The following FREM3 variants were observed in gnomAD, a reference collection of about 807,000 sequenced individuals.
FREM3 encodes the protein FRAS1 related extracellular matrix 3.
Under a neutral mutation model 129.1 loss-of-function variants are expected in FREM3, and 105 were observed. That is an observed-to-expected ratio of 0.81 (90% CI 0.69 to 0.96). The LOEUF (loss-of-function observed/expected upper bound fraction) is 0.96, where lower values mean the gene tolerates loss of function less well. Ranked by LOEUF, FREM3 falls within the 40% of genes least tolerant of loss-of-function variation. FREM3 has a pLI of 0.00. For synonymous variants in FREM3, 1,014 were observed against 1,044.9 expected, an observed-to-expected ratio of 0.97 and a Z score of 0.57; for missense variants, 2,593 against 2,666.3, an observed-to-expected ratio of 0.97 and a Z score of 0.61.
intron 2 of FREM3, among the ~76,000 whole-genome samples, chr4:143,650,533 C>G (rs1268529660): frequency 6.6e-6 from 1 of 152,194 alleles, no homozygotes; most frequent in East Asian, 1.9e-4. Context: ...CTCTGTCACT[C>G]AGGTTGGAGT....
intron 5 of FREM3, among the ~76,000 whole-genome samples, chr4:143,615,193 G>C (rs1211461598): frequency 1.3e-5 from 2 of 152,276 alleles, no homozygotes; most frequent in Middle Eastern, 3.4e-3. Context: ...TTATCAATGA[G>C]AAAATTGAGG....
chr4:143,641,996 A>T (rs903193991), intron 2 of FREM3, among the ~76,000 whole-genome samples: 12 of 152,006 alleles, frequency 7.9e-5, no homozygotes, highest in Non-Finnish European at 1.0e-4. Context: ...TAGATGAATC[A>T]TGTTCAGTGG....
chr4:143,662,212 T>C (rs1388671822), intron 2 of FREM3, among the ~76,000 whole-genome samples: 1 of 152,240 alleles, frequency 6.6e-6, no homozygotes, highest in African/African-American at 2.4e-5. Flanking sequence ...TCCTGCTTTC[T>C]CTTGTGGGCA....
At chr4:143,584,253 C>CA (rs1462059692) in intron 7 of FREM3, among the ~76,000 whole-genome samples, 1 of 151,636 alleles carries the variant, frequency 6.6e-6, no homozygotes, top group East Asian at 1.9e-4. Context: ...ACTAAAAATA[C>CA]AAAAAATTAG....
chr4:143,579,010 T>C (rs1406939682), intron 7 of FREM3, among the ~76,000 whole-genome samples: 1 of 151,396 alleles, frequency 6.6e-6, no homozygotes, highest in East Asian at 1.9e-4. Context: ...TTTGAAGGAA[T>C]TACATTGTAA....
At chr4:143,666,211 A>G (rs1305137171) in intron 2 of FREM3, among the ~76,000 whole-genome samples, 4 of 152,232 alleles carry the variant, frequency 2.6e-5, no homozygotes, top group East Asian at 1.9e-4. Flanking sequence ...TCATAGAACA[A>G]TGTTTCTACA....
rs1452930791 is a variant in FREM3, at chr4:143,697,491, A to G, written c.3185T>C (p.Val1062Ala). Residue 1062 changes from valine (V) to alanine (A), a missense_variant, in exon 1 of 8, where the codon GTG becomes GCG. Val to Ala is a moderately conservative substitution (Grantham distance 64). Coordinates refer to ENST00000329798, the MANE Select transcript of FREM3 (RefSeq NM_001168235.2). ...GGGTCCCACATTGTCCACAGGCAGC[A>G]CAGTTACTTGTACCTGTACTTTCTC... ...IIEKVQVQVT[V>A]LPVDNVGPKV... 7.2e-6 allele frequency: 11 copies of G among 1,537,192 alleles called. No individual in the cohort carries two copies. The Admixed American group carries it at 2.2e-4, about 30-fold the overall frequency.
At chr4:143,684,837 T>C (rs1342200889) in intron 2 of FREM3, among the ~76,000 whole-genome samples, 1 of 152,182 alleles carries the variant, frequency 6.6e-6, no homozygotes, top group Non-Finnish European at 1.5e-5. Context: ...TGAAACTTTG[T>C]ATACACTTTT....
chr4:143,677,652 A>G (rs193293616), intron 2 of FREM3, among the ~76,000 whole-genome samples: 9,189 of 152,324 alleles, frequency 0.06, 336 homozygotes, highest in Middle Eastern at 0.15. Flanking sequence ...CATCTGACAA[A>G]GGGCTAATAT....
intron 2 of FREM3, among the ~76,000 whole-genome samples, chr4:143,688,654 G>C (rs185004403): frequency 6.6e-6 from 1 of 152,036 alleles, no homozygotes; most frequent in Non-Finnish European, 1.5e-5. Flanking sequence ...CTAATACGGC[G>C]TGGTACTGGT....
intron 2 of FREM3, among the ~76,000 whole-genome samples, chr4:143,629,863 A>T (rs1264024077): frequency 6.6e-5 from 10 of 152,088 alleles, no homozygotes; most frequent in Non-Finnish European, 1.0e-4. Context: ...TCTGTCTTTC[A>T]CTCTGAGCTG....
intron 2 of FREM3, among the ~76,000 whole-genome samples, chr4:143,688,886 T>C (rs185414471): frequency 1.8e-4 from 27 of 152,322 alleles, no homozygotes; most frequent in African/African-American, 6.5e-4. Flanking sequence ...CAAGATGGAT[T>C]AAGGACTTAA....
chr4:143,624,384 A>G, intron 3 of FREM3, 46 bp from the exon 4 acceptor site: 1 of 1,162,456 alleles, frequency 8.6e-7, no homozygotes, highest in Non-Finnish European at 1.2e-6. Context: ...AAGTGACTGA[A>G]GGCATAGTCT....
intron 7 of FREM3, among the ~76,000 whole-genome samples, chr4:143,580,207 C>A (rs1738106889): frequency 6.6e-6 from 1 of 152,086 alleles, no homozygotes; most frequent in South Asian, 2.1e-4. Context: ...ACAAGCTCTT[C>A]AGCTGGATTT....
At position 143,697,101 on chromosome 4, in the gene FREM3, T is replaced by C; in HGVS notation, c.3575A>G (p.Glu1192Gly). Residue 1192 changes from glutamate to glycine, a missense_variant, in exon 1 of 8, where the codon GAG (glutamate) becomes GGG (glycine). By Grantham distance (98) the Glu-to-Gly change is moderately conservative. This residue lies in a region of FREM3 where 2,276 missense variants were observed against 2,267.2 expected (regional missense o/e 1.00). Coordinates refer to ENST00000329798, the MANE Select transcript of FREM3 (RefSeq NM_001168235.2). ...FPIIILPTND[E>G]QPKLFAHEFK... ...CTCATGGGCAAAAAGTTTAGGCTGCTCATCATTGGTGGGTAGGATGATTAT... is the reference window on the plus strand; with the variant it reads ...CTCATGGGCAAAAAGTTTAGGCTGCCCATCATTGGTGGGTAGGATGATTAT... The C allele has an allele frequency of 6.5e-7, 1 of 1,537,832 alleles. No individual in the cohort carries two copies. The highest frequency in any genetic ancestry group is 8.7e-7 in the Non-Finnish European group (1 of 1,147,028).
intron 2 of FREM3, among the ~76,000 whole-genome samples, chr4:143,670,902 C>G (rs141704381): frequency 8.6e-5 from 13 of 151,992 alleles, no homozygotes; most frequent in Admixed American, 7.9e-4. Flanking sequence ...AAAAAATAAG[C>G]CTGTGTTTCA....
At chr4:143,615,677 T>A (rs1046249327) in intron 5 of FREM3, among the ~76,000 whole-genome samples, 1 of 150,830 alleles carries the variant, frequency 6.6e-6, no homozygotes, top group African/African-American at 2.5e-5. Context: ...ATAGGGAATA[T>A]CGTCAAGTGT....
chr4:143,670,541 G>C (rs1739947684), intron 2 of FREM3, among the ~76,000 whole-genome samples: 1 of 152,054 alleles, frequency 6.6e-6, no homozygotes, highest in Non-Finnish European at 1.5e-5. Flanking sequence ...AACAAAAACA[G>C]CTTTGACTTT....
Position 143,625,635 on chromosome 4 carries a change from G to T in FREM3, c.5423-1297C>A, listed in dbSNP as rs1162340646. Among the ~76,000 whole-genome samples, 7 of 152,186 alleles carry T rather than the reference G, an allele frequency of 4.6e-5. No individual in the cohort carries two copies. In the East Asian group the frequency reaches 1.3e-3, roughly 29 times the overall value. ...AATGGTGTCCTCAGCCAAAGCTTAGGTAGAGCTAAGTGGAGCTGCTATAGG... is the reference window on the plus strand; with the variant it reads ...AATGGTGTCCTCAGCCAAAGCTTAGTTAGAGCTAAGTGGAGCTGCTATAGG... On this transcript the variant is annotated intron_variant, in intron 3 of 7. Coordinates refer to ENST00000329798, the MANE Select transcript of FREM3 (RefSeq NM_001168235.2).
Sources: allele counts gnomAD v4.1 joint callset (sites outside exome capture counted in the v4.1 genomes callset), GRCh38; gene constraint gnomAD v4.1.1; regional missense constraint gnomAD v4.1.1; transcripts MANE v1.5; gene names NCBI Gene and HGNC (gene_info 2026-07-23, HGNC 2026-07-21).